LRP2BP: variants seen among roughly 807,000 people sequenced by gnomAD.
The protein encoded by LRP2BP is LRP2-binding protein.
In LRP2BP, 38 loss-of-function variants were observed where a neutral mutation model predicts 45.2. That is an observed-to-expected ratio of 0.84 (90% CI 0.65 to 1.10). The LOEUF (loss-of-function observed/expected upper bound fraction) is 1.10, where lower values mean the gene tolerates loss of function less well. Among genes scored for constraint, LRP2BP ranks in the 50% least tolerant of loss-of-function variants. LRP2BP has a pLI of 0.00. For missense variants in LRP2BP, 385 were observed against 418.9 expected, an observed-to-expected ratio of 0.92 and a Z score of 0.71; for synonymous variants, 153 against 153.9, an observed-to-expected ratio of 0.99 and a Z score of 0.04.
In LRP2BP at chr4:185,376,443, C is replaced by CTTT. The variant is rs34024562; in HGVS notation, c.216+463_216+465dup. On this transcript the variant is annotated intron_variant, in intron 3 of 8. Transcript: ENST00000505916. ...AGATGTGTGCCACCATGCCCAGCTA[C>CTTT]TTTTTTTTTTTTTTTTTTTTTTGTA... Among the ~76,000 whole-genome samples, 280 of 105,770 alleles carry CTTT rather than the reference C, an allele frequency of 2.6e-3. 5 individuals carry two copies. Among genetic ancestry groups the CTTT allele is most frequent in the African/African-American group, 4.0e-3 (103 of 25,676 alleles). The allele number at this position is 105,770 out of a possible 152,430, so 69.4% of individuals were successfully genotyped here.
At chr4:185,396,076 G>A (rs894884367), upstream of LRP2BP, 4 of 180,868 alleles carry the variant, frequency 2.2e-5, no homozygotes, top group East Asian at 1.9e-4. Flanking sequence ...CCGCTCTCCC[G>A]GGAGGAGAGC....
chr4:185,376,839 A>G (rs1268088063), intron 3 of LRP2BP, 70 bp downstream of exon 3: 1 of 1,067,978 alleles, frequency 9.4e-7, no homozygotes, highest in African/African-American at 1.6e-5. Flanking sequence ...GAAACTCTAC[A>G]TGAAATTTTT....
At position 185,369,287 on chromosome 4, in the gene LRP2BP, C is replaced by T. The variant is rs142826065; in HGVS notation, c.978+1353G>A. On this transcript the variant is annotated intron_variant, in intron 8 of 8. Transcript: ENST00000505916. ...AGGCTGGAGTGCAGTGGTGTGATCT[C>T]GGCTCACTGCAACCTCTGCTCCCAG... Among the ~76,000 whole-genome samples, 872 of 133,832 alleles carry T rather than the reference C, an allele frequency of 6.5e-3. 12 individuals carry two copies. Among genetic ancestry groups the T allele is most frequent in the African/African-American group, 0.023 (813 of 34,798 alleles). 87.8% of individuals were successfully genotyped at this position (133,832 alleles called of 152,430 possible). A position where few individuals can be genotyped will look rare whatever the true frequency, so the allele number is the denominator to read the frequency against.
chr4:185,394,266 A>AGTT (rs2095496067), intron 1 of LRP2BP, among the ~76,000 whole-genome samples: 2 of 1,616 alleles, frequency 1.2e-3, no homozygotes, highest in African/African-American at 2.0e-3. Flanking sequence ...TTCAGAGTTA[A>AGTT]AAAAAAAAAA....
chr4:185,383,336 C>A (rs1218804520), intron 1 of LRP2BP, among the ~76,000 whole-genome samples: 1 of 152,108 alleles, frequency 6.6e-6, no homozygotes, highest in African/African-American at 2.4e-5. Context: ...AAAAATTAGC[C>A]AGGTGTGGTG....
Position 185,395,820 on chromosome 4 carries a change from G to A in LRP2BP, c.-1063C>T. ...GTATTTATTTCTCCGAGCTTTCAAA[G>A]GCATCAACAGAAGGGAATCACTAAA... is the stretch of plus-strand genomic sequence containing the variant. On this transcript the variant is annotated 5_prime_UTR_variant, in exon 1 of 9. Transcript: ENST00000505916. 4 of 985,364 alleles carry A rather than the reference G, an allele frequency of 4.1e-6. No individual in the cohort carries two copies. The highest frequency in any genetic ancestry group is 4.8e-6 in the Non-Finnish European group (4 of 829,902). The allele number at this position is 985,364 out of a possible 1,614,324, so 61.0% of individuals were successfully genotyped here. A position where few individuals can be genotyped will look rare whatever the true frequency, so the allele number is the denominator to read the frequency against.
chr4:185,387,294 A>G (rs2095474620), intron 1 of LRP2BP, among the ~76,000 whole-genome samples: 1 of 152,244 alleles, frequency 6.6e-6, no homozygotes, highest in South Asian at 2.1e-4. Context: ...ATAAGGCCGT[A>G]TCCGAAACCT....
In LRP2BP at chr4:185,376,927, A is replaced by T. The variant is rs973484965; in HGVS notation, c.198T>A (p.Gly66=). The change falls in exon 3 of 9, where the codon GGT becomes GGA. Residue 66 remains glycine (G), a synonymous_variant. Transcript: ENST00000505916. ...ATGATACCTCTTCAAAATATAGTTG[A>T]CCTCGTAGGAAATATGCCAGAGTGT... is the stretch of plus-strand genomic sequence containing the variant. ...KGDTLAYFLR[G]QLYFEEGWYE... is the part of the protein sequence containing the mutation. The T allele has an allele frequency of 5.6e-6, 9 of 1,612,352 alleles. No individual in the cohort carries two copies. Among genetic ancestry groups the T allele is most frequent in the Non-Finnish European group, 7.6e-6 (9 of 1,178,446 alleles).
intron 3 of LRP2BP, 27 bp from the exon 4 acceptor site, chr4:185,375,753 TA>T: frequency 6.8e-7 from 1 of 1,462,416 alleles, no homozygotes; most frequent in Non-Finnish European, 9.5e-7. Flanking sequence ...GATATTTAAT[TA>T]TTTTTATTAT....
At chr4:185,390,485 C>T (rs1213445960) in intron 1 of LRP2BP, 2 of 150,678 alleles carry the variant, frequency 1.3e-5, no homozygotes, top group Non-Finnish European at 2.9e-5. Context: ...TGCCACTGCA[C>T]TCCAGCCTGG....
At chr4:185,389,119 C>G (rs1020838676) in intron 1 of LRP2BP, among the ~76,000 whole-genome samples, 9 of 152,148 alleles carry the variant, frequency 5.9e-5, no homozygotes, top group African/African-American at 2.2e-4. Context: ...ACCTTGTGAT[C>G]CACCCCACCT....
intron 8 of LRP2BP, among the ~76,000 whole-genome samples, chr4:185,368,294 G>A (rs2095398755): frequency 6.6e-6 from 1 of 152,198 alleles, no homozygotes; most frequent in Non-Finnish European, 1.5e-5. Flanking sequence ...TAACACTCTA[G>A]GAAGTGGGAG....
chr4:185,385,861 A>T (rs1580005882), intron 1 of LRP2BP, among the ~76,000 whole-genome samples: 1 of 142,544 alleles, frequency 7.0e-6, no homozygotes, highest in Non-Finnish European at 1.5e-5. Context: ...AGATCGTGCC[A>T]CTGCACTCCA....
chr4:185,379,692 G>A (rs1305305069), intron 1 of LRP2BP, among the ~76,000 whole-genome samples: 1 of 146,350 alleles, frequency 6.8e-6, no homozygotes, highest in African/African-American at 2.5e-5. Flanking sequence ...TCATTATGAG[G>A]CTCGTTTAAC....
intron 1 of LRP2BP, among the ~76,000 whole-genome samples, chr4:185,387,142 G>A (rs2095474072): frequency 1.3e-5 from 2 of 152,194 alleles, no homozygotes; most frequent in Admixed American, 1.3e-4. Context: ...CTACTCGGGA[G>A]CCTGAGGCAT....
intron 1 of LRP2BP, among the ~76,000 whole-genome samples, chr4:185,394,105 A>G (rs2095495476): frequency 6.6e-6 from 1 of 152,102 alleles, no homozygotes; most frequent in African/African-American, 2.4e-5. Context: ...TGAAAATACA[A>G]AAATTAGCTG....
chr4:185,378,369 G>A (rs578157676), intron 1 of LRP2BP, 162 bp from the exon 2 acceptor site: 3 of 1,413,028 alleles, frequency 2.1e-6, no homozygotes, highest in East Asian at 2.6e-5. Flanking sequence ...TTCTTTACTA[G>A]GACACCAAGA....
At position 185,378,173 on chromosome 4, in the gene LRP2BP, C is replaced by T; in HGVS notation, c.14G>A (p.Ser5Asn). 6.2e-7 allele frequency: 1 copy of T among 1,613,996 alleles called. No individual in the cohort carries two copies. Among genetic ancestry groups the T allele is most frequent in the South Asian group, 1.1e-5 (1 of 91,042 alleles). Residue 5 changes from serine (S) to asparagine (N), a missense_variant, in exon 2 of 9, where the codon AGT becomes AAT. Ser to Asn is a conservative substitution (Grantham distance 46). Transcript: ENST00000505916. ...AAAGGGGTTCTTGGGCAACTTTTCACTGGTCAACTTCATCCTTTTTCTGCA... is the reference window on the plus strand; with the variant it reads ...AAAGGGGTTCTTGGGCAACTTTTCATTGGTCAACTTCATCCTTTTTCTGCA... MKLT[S>N]EKLPKNPFYA...
chr4:185,373,098 C>G lies in LRP2BP; in HGVS notation c.580-19G>C. On this transcript the variant is annotated intron_variant, in intron 6 of 8. Transcript: ENST00000505916. Reference sequence around the variant, plus strand: ...AAAATGCCTAAGAAAAGCACAGTTTCATCATTGTATTTGTGATCCACTAGA... The same window carrying G: ...AAAATGCCTAAGAAAAGCACAGTTTGATCATTGTATTTGTGATCCACTAGA... The G allele has an allele frequency of 1.3e-6, 2 of 1,589,366 alleles. No homozygotes were observed. Among genetic ancestry groups the G allele is most frequent in the Non-Finnish European group, 1.7e-6 (2 of 1,158,474 alleles).
Sources: gnomAD v4.1 joint callset for allele counts (sites outside exome capture counted in the v4.1 genomes callset) on GRCh38, gnomAD v4.1.1 for gene constraint, MANE v1.5 for transcripts, NCBI Gene and HGNC (gene_info 2026-07-23, HGNC 2026-07-21) for gene names.